The following CRTAC1 variants were observed in gnomAD, a reference collection of about 807,000 sequenced individuals.
CRTAC1 encodes the protein cartilage acidic protein 1, also known as acidic secreted protein in cartilage.
A neutral mutation model predicts 67.8 loss-of-function variants in CRTAC1; 37 were observed. That is an observed-to-expected ratio of 0.55 (90% CI 0.42 to 0.72). The LOEUF is 0.72. Among genes scored for constraint, CRTAC1 ranks in the 30% least tolerant of loss-of-function variants. The probability of loss-of-function intolerance (pLI) is 0.00; values close to 1 mark genes in which losing one functional copy is unlikely to be tolerated. For synonymous variants in CRTAC1, 348 were observed against 371.0 expected (o/e 0.94, Z 0.71); for missense variants, 780 against 931.6 (o/e 0.84, Z 2.12).
chr10:97,888,902 A>G (rs945038929), intron 11 of CRTAC1, among the ~76,000 whole-genome samples: 3 of 152,172 alleles, frequency 2.0e-5, no homozygotes, highest in South Asian at 4.1e-4. Context: ...TGCACTTTTC[A>G]GAAGAATTAC....
At chr10:98,015,418 G>A (rs1299786492) in intron 1 of CRTAC1, among the ~76,000 whole-genome samples, 2 of 152,146 alleles carry the variant, frequency 1.3e-5, no homozygotes, top group Non-Finnish European at 2.9e-5. Flanking sequence ...AGTTCTGAAG[G>A]TAGATGGTGG....
Position 98,017,728 on chromosome 10 carries a change from G to A in CRTAC1, c.25-6391C>T, listed in dbSNP as rs371532237. On this transcript the variant is annotated intron_variant, in intron 1 of 14. Transcript: ENST00000370597. ...TTTTTTTTTTTTTTGGTGGAGATGG[G>A]GTCTTGCTATGTTGCCCAGGCTGAT... Among the ~76,000 whole-genome samples, 147 of 150,972 alleles carry A rather than the reference G, an allele frequency of 9.7e-4. 3 individuals are homozygous for A. The East Asian group carries it at 0.018, about 19-fold the overall frequency.
intron 2 of CRTAC1, among the ~76,000 whole-genome samples, chr10:97,999,899 C>T (rs751176131): frequency 1.5e-4 from 23 of 152,106 alleles, no homozygotes; most frequent in African/African-American, 1.9e-4. Context: ...AGATGACTGA[C>T]GCCCTGTCTG....
intron 14 of CRTAC1, chr10:97,879,622 G>C: frequency 1.3e-6 from 2 of 1,523,614 alleles, no homozygotes; most frequent in African/African-American, 1.4e-5. Flanking sequence ...CAGCAGGAGA[G>C]AGATTTAGTT....
chr10:97,921,871 C>T (rs972453053), intron 4 of CRTAC1, among the ~76,000 whole-genome samples: 18 of 151,164 alleles, frequency 1.2e-4, no homozygotes, highest in African/African-American at 4.4e-4. Context: ...CTTCTGGACG[C>T]CTGCCTCCTG....
chr10:97,884,183 G>C, intron 12 of CRTAC1, 23 bp downstream of exon 12: 1 of 1,553,866 alleles, frequency 6.4e-7, no homozygotes, highest in Non-Finnish European at 8.7e-7. Flanking sequence ...TTCTGGCTAT[G>C]AGGCCCAGAT....
intron 1 of CRTAC1, among the ~76,000 whole-genome samples, chr10:98,015,265 T>C (rs987241222): frequency 3.3e-5 from 5 of 152,202 alleles, no homozygotes; most frequent in Non-Finnish European, 7.3e-5. Context: ...ACAAACACTG[T>C]ATGTTCCACT....
chr10:97,975,754 C>T lies in CRTAC1; in HGVS notation c.224+35384G>A, dbSNP rs888920432. The stretch of plus-strand genomic sequence containing the variant: ...CCAGCCCCTCACTCCTATACAGAGG[C>T]CCTGTCTAAATGCTCCTCCGCCCTC... On this transcript the variant is annotated intron_variant, in intron 2 of 14. Transcript: ENST00000370597. This position sits in a 1 kb window ranked among gnomAD's most constrained non-coding sequence, Gnocchi z 4.8. 2.6e-5 allele frequency among the ~76,000 whole-genome samples: 4 copies of T among 152,228 alleles called. No individual in the cohort carries two copies. Among genetic ancestry groups the T allele is most frequent in the Admixed American group, 2.0e-4 (3 of 15,292 alleles).
chr10:97,896,013 G>A, intron 9 of CRTAC1, 28 bp from the exon 10 acceptor site: 1 of 1,598,646 alleles, frequency 6.3e-7, no homozygotes, highest in Non-Finnish European at 8.6e-7. Context: ...TTCACCTCTG[G>A]CCGTAATCCA....
chr10:97,966,610 C>T (rs1326319562), intron 2 of CRTAC1, among the ~76,000 whole-genome samples: 1 of 152,182 alleles, frequency 6.6e-6, no homozygotes, highest in Non-Finnish European at 1.5e-5. Flanking sequence ...ACACTTCATT[C>T]AGATTTCTTT....
chr10:97,917,055 A>G (rs2050769397), intron 5 of CRTAC1, among the ~76,000 whole-genome samples: 1 of 152,218 alleles, frequency 6.6e-6, no homozygotes, highest in African/African-American at 2.4e-5. Context: ...TTTAGCACTC[A>G]ATTCCTGGTT....
chr10:97,931,454 G>A (rs370521794), intron 3 of CRTAC1, among the ~76,000 whole-genome samples: 2 of 152,336 alleles, frequency 1.3e-5, no homozygotes, highest in Admixed American at 1.3e-4. Flanking sequence ...TTCATCAATA[G>A]AGGACCAATT....
intron 5 of CRTAC1, among the ~76,000 whole-genome samples, chr10:97,912,600 T>TG (rs2050703417): frequency 6.6e-6 from 1 of 152,158 alleles, no homozygotes; most frequent in East Asian, 1.9e-4. Context: ...CCTCAGGGAC[T>TG]GGGGGGTGAG....
intron 2 of CRTAC1, among the ~76,000 whole-genome samples, chr10:98,010,861 C>G (rs1842891155): frequency 6.6e-6 from 1 of 152,184 alleles, no homozygotes; most frequent in Non-Finnish European, 1.5e-5. Context: ...TGCCTTAAAG[C>G]AGAGCATTCC....
At chr10:97,963,416 T>A (rs536127070) in intron 2 of CRTAC1, among the ~76,000 whole-genome samples, 2 of 152,332 alleles carry the variant, frequency 1.3e-5, no homozygotes, top group African/African-American at 4.8e-5. Context: ...TAACAAGTTC[T>A]CCAGGTGATT....
At chr10:97,901,150 G>A (rs902145224) in intron 8 of CRTAC1, among the ~76,000 whole-genome samples, 10 of 151,618 alleles carry the variant, frequency 6.6e-5, no homozygotes, top group African/African-American at 2.2e-4. Flanking sequence ...ATTGGACCCC[G>A]TAGCCCCTTT....
intron 2 of CRTAC1, among the ~76,000 whole-genome samples, chr10:97,936,679 C>G (rs2051095006): frequency 6.6e-6 from 1 of 152,232 alleles, no homozygotes; most frequent in African/African-American, 2.4e-5. Context: ...CTGAAGAAAA[C>G]AAAGAACTTC....
At chr10:97,942,980 G>A (rs1348826251) in intron 2 of CRTAC1, among the ~76,000 whole-genome samples, 1 of 152,086 alleles carries the variant, frequency 6.6e-6, no homozygotes, top group Non-Finnish European at 1.5e-5. Context: ...GCTGAGGTGG[G>A]AGGACTGCTT....
At chr10:97,871,989 A>G (rs2050098013) in intron 14 of CRTAC1, among the ~76,000 whole-genome samples, 2 of 152,196 alleles carry the variant, frequency 1.3e-5, no homozygotes, top group African/African-American at 4.8e-5. Context: ...GAAGGGGGCA[A>G]TGTTACACAC....
Sources: gnomAD v4.1 joint callset for allele counts (sites outside exome capture counted in the v4.1 genomes callset) on GRCh38, gnomAD v4.1.1 for gene constraint, Gnocchi (gnomAD v3.1) non-coding constraint, MANE v1.5 for transcripts, NCBI Gene and HGNC (gene_info 2026-07-23, HGNC 2026-07-21) for gene names.